The following NCBP3 variants were observed in gnomAD, a reference collection of about 807,000 sequenced individuals.
NCBP3 encodes the protein nuclear cap binding subunit 3.
In NCBP3, 20 loss-of-function variants were observed where a neutral mutation model predicts 75.7. The observed-to-expected ratio is 0.26, with a 90% CI of 0.19 to 0.38. NCBP3 has a LOEUF of 0.38. Among genes scored for constraint, NCBP3 ranks in the 10% least tolerant of loss-of-function variants. NCBP3 has a pLI of 1.00. For missense variants in NCBP3, 678 were observed against 796.9 expected (o/e 0.85, Z 1.80); for synonymous variants, 293 against 290.5 (o/e 1.01, Z -0.09).
chr17:3,820,561 C>A lies in NCBP3; in HGVS notation c.1000+688G>T, dbSNP rs147736842. Among the ~76,000 whole-genome samples, 492 of 152,328 alleles carry A rather than the reference C, an allele frequency of 3.2e-3. 6 individuals carry two copies. Among genetic ancestry groups the A allele is most frequent in the African/African-American group, 0.011 (455 of 41,582 alleles). ...ATTCACATGCACAAACCAACAAGCA[C>A]AAAGCACTCAACACAGCAGCCTATT... On this transcript the variant is annotated intron_variant, in intron 9 of 12. Transcript: ENST00000389005.
At position 3,832,054 on chromosome 17, in the gene NCBP3, T is replaced by C. The variant is rs1250897186; in HGVS notation, c.356-2686A>G. Among the ~76,000 whole-genome samples the C allele has an allele frequency of 4.2e-5, 5 of 118,248 alleles. 1 individual carries two copies. The highest frequency in any genetic ancestry group is 1.0e-4 in the Non-Finnish European group (5 of 48,802). 77.6% of individuals were successfully genotyped at this position (118,248 alleles called of 152,430 possible). On this transcript the variant is annotated intron_variant, in intron 3 of 12. Coordinates refer to ENST00000389005, the MANE Select transcript of NCBP3 (RefSeq NM_001114118.3). ...CAAAAATTAGCCATGTGTGGTGGCA[T>C]GTGCCTGTAATCCCAGCTACTTGGG...
rs1261124448 is a variant in NCBP3, at chr17:3,813,148, C to T, written c.1759G>A (p.Glu587Lys). The change falls in exon 13 of 13, where the codon GAG (glutamate) becomes AAG (lysine). Residue 587 changes from glutamate (E) to lysine (K), a missense_variant. By Grantham distance (56) the Glu-to-Lys change is moderately conservative (BLOSUM62 1). Around this residue, in one of 7 missense-constraint regions of NCBP3, gnomAD observed 365 missense variants for 392.7 expected, o/e 0.93. Transcript: ENST00000389005. The part of the protein sequence containing the change: ...LQRAWGALIK[E>K]KEQSRQKKSR... ...TTCTTTTGGCGAGACTGCTCTTTCT[C>T]CTTAATCAGAGCCCCCCATGCCCTT... The T allele has an allele frequency of 1.2e-6, 2 of 1,614,252 alleles. No individual in the cohort carries two copies. Among genetic ancestry groups the T allele is most frequent in the Non-Finnish European group, 1.7e-6 (2 of 1,180,042 alleles).
In NCBP3 at chr17:3,822,001, T is replaced by A. The variant is rs1365878253; in HGVS notation, c.848A>T (p.Tyr283Phe). ...AARRSQYYMK[Y>F]GNPNYGGMKG... ...CATGCCTCCATAATTTGGATTCCCATATTTCATGTAATACTGACTTCTTCT... is the reference window on the plus strand; with the variant it reads ...CATGCCTCCATAATTTGGATTCCCAAATTTCATGTAATACTGACTTCTTCT... Residue 283 changes from tyrosine (Y) to phenylalanine (F), a missense_variant, in exon 8 of 13, where the codon TAT becomes TTT. Tyr to Phe is a conservative substitution (Grantham distance 22, BLOSUM62 3). This residue lies in a region of NCBP3 where 38 missense variants were observed against 78.9 expected (regional missense o/e 0.48). Coordinates refer to ENST00000389005, the MANE Select transcript of NCBP3 (RefSeq NM_001114118.3). The A allele has an allele frequency of 1.2e-6, 2 of 1,613,532 alleles. No homozygotes were observed. The highest frequency in any genetic ancestry group is 2.7e-5 in the African/African-American group (2 of 74,932).
In NCBP3 at chr17:3,846,216, G is replaced by A. The variant is rs919117739; in HGVS notation, c.8C>T (p.Ala3Val). 1.4e-6 allele frequency: 2 copies of A among 1,437,500 alleles called. No individual in the cohort carries two copies. Among genetic ancestry groups the A allele is most frequent in the African/African-American group, 1.5e-5 (1 of 66,252 alleles). 89.0% of individuals were successfully genotyped at this position (1,437,500 alleles called of 1,614,324 possible). ...CACCGACACCCGCAGGCCCCGTACG[G>A]CCGCCATCGCTGCCTGCCGGCCGCA... MA[A>V]VRGLRVSVKA... The change falls in exon 1 of 13, where the codon GCC (alanine) becomes GTC (valine). Residue 3 changes from alanine to valine, a missense_variant. Transcript: ENST00000389005. This position sits in a 1 kb window ranked among gnomAD's most constrained non-coding sequence, Gnocchi z 4.6.
rs750842675 is a variant in NCBP3, at chr17:3,814,437, A to G, written c.1512T>C (p.Ala504=). The change falls in exon 12 of 13, where the codon GCT becomes GCC. Residue 504 remains alanine, a synonymous_variant. Transcript: ENST00000389005. ...LGKRPHSPEK[A]FSSNPVVRRE... is the part of the protein sequence containing the mutation. ...TCCGAACGACGGGGTTACTACTAAAAGCCTTTTCCGGAGAATGTGGTCTTT... is the reference window on the plus strand; with the variant it reads ...TCCGAACGACGGGGTTACTACTAAAGGCCTTTTCCGGAGAATGTGGTCTTT... The G allele has an allele frequency of 1.9e-6, 3 of 1,614,082 alleles. No homozygotes were observed. Among genetic ancestry groups the G allele is most frequent in the Non-Finnish European group, 2.5e-6 (3 of 1,180,052 alleles).
In NCBP3 at chr17:3,816,256, G is replaced by A; in HGVS notation, c.1325C>T (p.Ala442Val). ...QLKNIRNSMR[A>V]DSVSSSNIKN... ...GATATTGCTTGAAGATACACTATCT[G>A]CCCTCATGGAGTTCCTTTAAAAAGG... Residue 442 changes from alanine to valine, a missense_variant, in exon 11 of 13, where the codon GCA (alanine) becomes GTA (valine). Physicochemically the swap from Ala to Val is moderately conservative, Grantham distance 64. Around this residue, in one of 7 missense-constraint regions of NCBP3, gnomAD observed 365 missense variants for 392.7 expected, o/e 0.93. Coordinates refer to ENST00000389005, the MANE Select transcript of NCBP3 (RefSeq NM_001114118.3). The A allele has an allele frequency of 6.2e-7, 1 of 1,613,856 alleles. No homozygotes were observed. The highest frequency in any genetic ancestry group is 8.5e-7 in the Non-Finnish European group (1 of 1,179,918).
Position 3,811,916 on chromosome 17 carries a change from T to C in NCBP3, c.*1128A>G, listed in dbSNP as rs2053422529. On this transcript the variant is annotated 3_prime_UTR_variant, in exon 13 of 13. Coordinates refer to ENST00000389005, the MANE Select transcript of NCBP3 (RefSeq NM_001114118.3). Reference sequence around the variant, plus strand: ...ATAAATGAACTAAAATTTTTATAACTATTATCTTTTCTGCCAATTTTGAAG... The same window carrying C: ...ATAAATGAACTAAAATTTTTATAACCATTATCTTTTCTGCCAATTTTGAAG... 1 of 152,276 alleles carries C rather than the reference T, an allele frequency of 6.6e-6. No individual in the cohort carries two copies. Among genetic ancestry groups the C allele is most frequent in the Non-Finnish European group, 1.5e-5 (1 of 68,050 alleles). The allele number at this position is 152,276 out of a possible 1,614,324, so 9.4% of individuals were successfully genotyped here.
intron 4 of NCBP3, 84 bp from the exon 5 acceptor site, chr17:3,826,299 T>C: frequency 7.9e-7 from 1 of 1,269,588 alleles, no homozygotes; most frequent in Non-Finnish European, 1.1e-6. Context: ...CATTCATCAC[T>C]ACAGCCTCAT....
intron 2 of NCBP3, among the ~76,000 whole-genome samples, chr17:3,841,479 A>G (rs1048827266): frequency 5.3e-5 from 8 of 152,100 alleles, no homozygotes; most frequent in Non-Finnish European, 8.8e-5. Flanking sequence ...CCCTTTTCCC[A>G]TATACCTGTG....
At chr17:3,820,763 T>G (rs1276952457) in intron 9 of NCBP3, among the ~76,000 whole-genome samples, 1 of 152,124 alleles carries the variant, frequency 6.6e-6, no homozygotes, top group Admixed American at 6.6e-5. Context: ...AAACCCCATC[T>G]CTACTAAAAA....
chr17:3,814,173 C>T, intron 12 of NCBP3, 149 bp downstream of exon 12: 1 of 793,444 alleles, frequency 1.3e-6, no homozygotes, highest in South Asian at 2.0e-5. Flanking sequence ...GATGCTGATG[C>T]TGACGATAAC....
rs192818626 is a variant in NCBP3 at position 3,824,469 on chromosome 17, A to G, written c.796+473T>C. The G allele has an allele frequency of 1.3e-5, 2 of 154,278 alleles. 1 individual carries two copies. The highest frequency in any genetic ancestry group is 1.3e-4 in the Admixed American group (2 of 15,492). 9.6% of individuals were successfully genotyped at this position (154,278 alleles called of 1,614,324 possible). On this transcript the variant is annotated intron_variant, in intron 7 of 12. Coordinates refer to ENST00000389005, the MANE Select transcript of NCBP3 (RefSeq NM_001114118.3). ...GCATACATACACACATACACGCGATACATACATACATATACATATATACAC... is the reference window on the plus strand; with the variant it reads ...GCATACATACACACATACACGCGATGCATACATACATATACATATATACAC...
chr17:3,814,218 G>A lies in NCBP3; in HGVS notation c.1627+104C>T, dbSNP rs950549388. On this transcript the variant is annotated intron_variant, in intron 12 of 12. Transcript: ENST00000389005. ...AAAGGAATAATCACTTATATTTGGC[G>A]TGGGCTGTTTCTTGCCTTCTGCTAA... 19 of 1,133,994 alleles carry A rather than the reference G, an allele frequency of 1.7e-5. No homozygotes were observed. The East Asian group carries it at 2.1e-4, about 13-fold the overall frequency. 70.2% of individuals were successfully genotyped at this position (1,133,994 alleles called of 1,614,324 possible).
chr17:3,844,225 G>A (rs956246400), intron 1 of NCBP3, among the ~76,000 whole-genome samples: 2 of 152,180 alleles, frequency 1.3e-5, no homozygotes, highest in South Asian at 2.1e-4. Context: ...GAAACCAAGC[G>A]AGGACTGAAG....
rs1452909929 is a variant in NCBP3, at chr17:3,807,768, C to T, written c.*5276G>A. The T allele has an allele frequency of 1.3e-5, 2 of 152,156 alleles. No homozygotes were observed. Among genetic ancestry groups the T allele is most frequent in the Admixed American group, 1.3e-4 (2 of 15,264 alleles). 9.4% of individuals were successfully genotyped at this position (152,156 alleles called of 1,614,324 possible). The stretch of plus-strand genomic sequence containing the variant: ...CCTGAGGCTGGAGGGTTTACAAACT[C>T]ATCCCATCTTTACAGAAGACCTGCT... On this transcript the variant is annotated 3_prime_UTR_variant, in exon 13 of 13. Transcript: ENST00000389005.
intron 3 of NCBP3, among the ~76,000 whole-genome samples, chr17:3,837,734 A>C (rs1597413207): frequency 1.1e-5 from 1 of 87,148 alleles, no homozygotes; most frequent in Non-Finnish European, 2.7e-5. Context: ...CCTCTGTCTC[A>C]AAAAAAAAAA....
chr17:3,829,465 T>C (rs2053841314), intron 3 of NCBP3, 97 bp from the exon 4 acceptor site: 1 of 1,335,358 alleles, frequency 7.5e-7, no homozygotes, highest in Admixed American at 2.6e-5. Context: ...CAACACGAGT[T>C]TAGAAAGAAA....
rs149097314 is a variant in NCBP3 at position 3,816,183 on chromosome 17, G to C, written c.1398C>G (p.Val466=). The C allele has an allele frequency of 1.9e-6, 3 of 1,614,140 alleles. No individual in the cohort carries two copies. In the South Asian group the frequency reaches 3.3e-5, roughly 18 times the overall value. ...NKLPPEKFAD[V]RHLLDEKRQH... is the part of the protein sequence containing the mutation. ...GACGTTTCTCATCTAATAGATGTCG[G>C]ACATCTGCAAATTTCTCAGGTGGTA... The change falls in exon 11 of 13, where the codon GTC becomes GTG. Residue 466 remains valine, a synonymous_variant. Coordinates refer to ENST00000389005, the MANE Select transcript of NCBP3 (RefSeq NM_001114118.3).
rs1247843100 is a variant in NCBP3 at position 3,832,399 on chromosome 17, C to A, written c.356-3031G>T. On this transcript the variant is annotated intron_variant, in intron 3 of 12. Coordinates refer to ENST00000389005, the MANE Select transcript of NCBP3 (RefSeq NM_001114118.3). The stretch of plus-strand genomic sequence containing the variant: ...CTGTAATCCCAGCACTTTGGGAGGC[C>A]GGGGCGGGCAGATCACAAGGTCAGA... 2.3e-4 allele frequency among the ~76,000 whole-genome samples: 27 copies of A among 118,210 alleles called. 7 individuals carry two copies. The highest frequency in any genetic ancestry group is 4.1e-4 in the African/African-American group (16 of 38,826). 77.6% of individuals were successfully genotyped at this position (118,210 alleles called of 152,430 possible).
Sources: allele counts gnomAD v4.1 joint callset (sites outside exome capture counted in the v4.1 genomes callset), GRCh38; gene constraint gnomAD v4.1.1; regional missense constraint gnomAD v4.1.1; non-coding constraint Gnocchi (gnomAD v3.1); transcripts MANE v1.5; gene names NCBI Gene and HGNC (gene_info 2026-07-23, HGNC 2026-07-21).